TRMT2B: variants seen among roughly 807,000 people sequenced by gnomAD.
TRMT2B encodes the protein tRNA (uracil-5-)-methyltransferase homolog B.
A neutral mutation model predicts 39.7 loss-of-function variants in TRMT2B; 34 were observed. That is an observed-to-expected ratio of 0.86 (90% confidence interval 0.65 to 1.14). TRMT2B has a LOEUF of 1.14. TRMT2B is among the 50% of genes most tolerant of loss of function. TRMT2B has a pLI of 0.00. For missense variants in TRMT2B, 318 were observed against 377.2 expected, an observed-to-expected ratio of 0.84 and a Z score of 1.30; for synonymous variants, 132 against 137.3, an observed-to-expected ratio of 0.96 and a Z score of 0.27.
chrX:100,986,888 G>A, the TRMT2B span: 2 of 1,186,415 alleles, frequency 1.7e-6, no homozygotes, highest in Non-Finnish European at 2.3e-6. Flanking sequence ...GAGAATAAGT[G>A]CCCATGCCGA....
chrX:100,997,156 C>T, the TRMT2B span, among the ~76,000 whole-genome samples: 4 of 111,852 alleles, frequency 3.6e-5, no homozygotes, highest in African/African-American at 9.8e-5. Context: ...AATTCTCTCC[C>T]TCGAGATGTG....
At chrX:101,028,774 G>T (rs2087270951) in intron 7 of TRMT2B, among the ~76,000 whole-genome samples, 1 of 111,483 alleles carries the variant, frequency 9.0e-6, no homozygotes, top group African/African-American at 3.3e-5. Context: ...TGGGGGAGTG[G>T]CCTGGTGGGA....
chrX:100,985,646 C>T, the TRMT2B span: 3 of 1,187,818 alleles, frequency 2.5e-6, no homozygotes, highest in Non-Finnish European at 3.4e-6. Flanking sequence ...GATTGCTTCT[C>T]CTCTTTTCCC....
chrX:101,029,618 C>T (rs770894501), intron 7 of TRMT2B, among the ~76,000 whole-genome samples: 9 of 111,610 alleles, frequency 8.1e-5, no homozygotes, highest in African/African-American at 2.9e-4. Context: ...TTCTTCATTA[C>T]TGTATCCTAA....
the TRMT2B span, among the ~76,000 whole-genome samples, chrX:100,992,710 C>T: frequency 8.9e-6 from 1 of 112,033 alleles, no homozygotes; most frequent in East Asian, 2.8e-4. Context: ...GGGCTAAGTG[C>T]TTTATATATA....
rs747076700 is a variant in TRMT2B at position 101,018,839 on chromosome X, A to AT, written c.1388+131dup. 111 of 510,190 alleles carry AT rather than the reference A, an allele frequency of 2.2e-4. 1 individual carries two copies. Among genetic ancestry groups the AT allele is most frequent in the Non-Finnish European group, 3.4e-4 (99 of 290,478 alleles). The allele number at this position is 510,190 out of a possible 1,213,427, so 42.0% of individuals were successfully genotyped here. ...CCTGTAATTGAGTCTTAAAGGTGGT[A>AT]TTTTTTTTGTTTCAGTTTCTTTACA... On this transcript the variant is annotated intron_variant, in intron 13 of 13. Coordinates refer to ENST00000372936, the MANE Select transcript of TRMT2B (RefSeq NM_024917.6).
the TRMT2B span, among the ~76,000 whole-genome samples, chrX:100,992,527 G>T: frequency 8.1e-5 from 9 of 111,279 alleles, no homozygotes; most frequent in Non-Finnish European, 1.1e-4. Context: ...GTTGCAGTGA[G>T]CCGAGATTGC....
At chrX:101,008,751 T>G (rs1228611152), downstream of TRMT2B, among the ~76,000 whole-genome samples, 1 of 112,102 alleles carries the variant, frequency 8.9e-6, no homozygotes, top group Non-Finnish European at 1.9e-5. Flanking sequence ...CTATATTCCC[T>G]CTATCTGGCA....
the TRMT2B span, among the ~76,000 whole-genome samples, chrX:100,977,369 C>CTTTTTTTTT: frequency 1.0e-3 from 59 of 56,454 alleles, 3 homozygotes; most frequent in African/African-American, 4.2e-3. Flanking sequence ...CTACTCTCTT[C>CTTTTTTTTT]TTTTTTTTTT....
Position 101,037,904 on chromosome X carries a change from G to A in TRMT2B, c.438+13C>T. On this transcript the variant is annotated intron_variant, in intron 5 of 13. Coordinates refer to ENST00000372936, the MANE Select transcript of TRMT2B (RefSeq NM_024917.6). ...GGCCTTAATAGATAAGGAATAGGGA[G>A]GTGGGGGCTTACAGAGGGTATAATA... 8.3e-7 allele frequency: 1 copy of A among 1,208,160 alleles called. No homozygotes were observed. The highest frequency in any genetic ancestry group is 1.1e-6 in the Non-Finnish European group (1 of 893,429).
At chrX:100,999,797 T>G in the TRMT2B span, among the ~76,000 whole-genome samples, 1 of 112,113 alleles carries the variant, frequency 8.9e-6, no homozygotes, top group South Asian at 3.7e-4. Context: ...GGGGATCTTT[T>G]AAAAATTCAG....
chrX:100,988,851 C>CATAT, the TRMT2B span, among the ~76,000 whole-genome samples: 6,115 of 79,493 alleles, frequency 0.077, 239 homozygotes, highest in Admixed American at 0.11. Flanking sequence ...TAATATATCT[C>CATAT]ATATATATAT....
the TRMT2B span, among the ~76,000 whole-genome samples, chrX:100,987,221 A>T: frequency 8.9e-6 from 1 of 111,870 alleles, no homozygotes; most frequent in Admixed American, 9.5e-5. Flanking sequence ...TATGTCTGTC[A>T]TTTGCCTTCT....
chrX:101,013,699 C>A (rs1206502246), intron 13 of TRMT2B: 1 of 109,936 alleles, frequency 9.1e-6, no homozygotes, highest in Non-Finnish European at 1.9e-5. Context: ...CTGTAGTGAG[C>A]CGAGACCATG....
At chrX:100,986,499 T>C in the TRMT2B span, among the ~76,000 whole-genome samples, 7 of 112,081 alleles carry the variant, frequency 6.2e-5, no homozygotes, top group Non-Finnish European at 1.1e-4. Flanking sequence ...AATATGTTCA[T>C]AGCCCAGTTA....
At chrX:101,039,920 G>A (rs995703259) in intron 4 of TRMT2B, among the ~76,000 whole-genome samples, 4 of 108,694 alleles carry the variant, frequency 3.7e-5, no homozygotes, top group Non-Finnish European at 7.6e-5. Flanking sequence ...GAAAAGAAAA[G>A]AAACATGAAT....
the TRMT2B span, among the ~76,000 whole-genome samples, chrX:100,976,101 G>GCAGGAAAAATCCAGGAGC: frequency 2.7e-5 from 3 of 110,576 alleles, no homozygotes; most frequent in East Asian, 5.6e-4. Flanking sequence ...GTAAATAGCA[G>GCAGGAAAAATCCAGGAGC]CAGGAAAAAT....
chrX:101,038,045 A>T lies in TRMT2B; in HGVS notation c.310T>A (p.Phe104Ile). The change falls in exon 5 of 14, where the codon TTT (phenylalanine) becomes ATT (isoleucine). Residue 104 changes from phenylalanine (F) to isoleucine (I), a missense_variant. Coordinates refer to ENST00000372936, the MANE Select transcript of TRMT2B (RefSeq NM_024917.6). ...LSYEEQLKVK[F>I]AAQKKILQRL... is the part of the protein sequence containing the mutation. ...TGTAAAATTTTCTTCTGAGCTGCAA[A>T]TTTCACCTGCAAAAGAATATAAGCT... The T allele has an allele frequency of 8.3e-7, 1 of 1,209,596 alleles. No homozygotes were observed. Among genetic ancestry groups the T allele is most frequent in the Non-Finnish European group, 1.1e-6 (1 of 894,631 alleles).
At chrX:101,040,404 T>C (rs1267129967) in intron 4 of TRMT2B, among the ~76,000 whole-genome samples, 1 of 110,873 alleles carries the variant, frequency 9.0e-6, no homozygotes, top group African/African-American at 3.3e-5. Context: ...GTATGGCTCA[T>C]AACAAACACA....
Sources: gnomAD v4.1 joint callset for allele counts (sites outside exome capture counted in the v4.1 genomes callset) on GRCh38, gnomAD v4.1.1 for gene constraint, MANE v1.5 for transcripts, NCBI Gene and HGNC (gene_info 2026-07-23, HGNC 2026-07-21) for gene names.